The following PARD3 variants were observed in gnomAD, a reference collection of about 807,000 sequenced individuals.
PARD3 encodes the protein partitioning defective 3 homolog.
Under a neutral mutation model 155.4 loss-of-function variants are expected in PARD3, and 75 were observed. The ratio of observed to expected loss-of-function variants is 0.48; its 90% CI spans 0.40 to 0.58. The LOEUF is 0.58. PARD3 is among the 20% of genes least tolerant of loss of function. PARD3 has a pLI of 0.00. For missense variants in PARD3, 1,642 were observed against 1,721.7 expected, an observed-to-expected ratio of 0.95 and a Z score of 0.82; for synonymous variants, 576 against 610.5, an observed-to-expected ratio of 0.94 and a Z score of 0.83.
At chr10:34,578,483 A>C (rs80258246) in intron 2 of PARD3, among the ~76,000 whole-genome samples, 4,378 of 152,352 alleles carry the variant, frequency 0.029, 213 homozygotes, top group African/African-American at 0.099. Flanking sequence ...TCAAAGAATA[A>C]GTTTTAAAAT....
intron 2 of PARD3, among the ~76,000 whole-genome samples, chr10:34,615,142 C>G (rs1017117171): frequency 1.3e-5 from 2 of 152,112 alleles, no homozygotes; most frequent in Admixed American, 6.5e-5. Context: ...GATGGCGCCA[C>G]TTCACTCCAG....
chr10:34,719,306 A>AG (rs1283282126), intron 1 of PARD3, among the ~76,000 whole-genome samples: 2 of 152,238 alleles, frequency 1.3e-5, no homozygotes, highest in Non-Finnish European at 2.9e-5. Context: ...TGAGGTTTCA[A>AG]GGGAAAAAAA....
At chr10:34,678,562 C>A (rs577532453) in intron 2 of PARD3, among the ~76,000 whole-genome samples, 1 of 151,892 alleles carries the variant, frequency 6.6e-6, no homozygotes, top group Non-Finnish European at 1.5e-5. Flanking sequence ...AGATTCCATA[C>A]GAGTAATAAG....
At chr10:34,609,662 C>T (rs553394893) in intron 2 of PARD3, among the ~76,000 whole-genome samples, 1 of 152,288 alleles carries the variant, frequency 6.6e-6, no homozygotes, top group South Asian at 2.1e-4. Flanking sequence ...CCCGTCTCAG[C>T]CTCCATAGTA....
At chr10:34,312,900 TC>T (rs1337822498) in intron 20 of PARD3, among the ~76,000 whole-genome samples, 1 of 152,184 alleles carries the variant, frequency 6.6e-6, no homozygotes, top group Non-Finnish European at 1.5e-5. Flanking sequence ...TTACACTTAC[TC>T]TAGGGCTCAC....
At chr10:34,666,796 A>AAAAAAAAATATAT (rs1358640964) in intron 2 of PARD3, among the ~76,000 whole-genome samples, 27 of 66,938 alleles carry the variant, frequency 4.0e-4, no homozygotes, top group African/African-American at 1.2e-3. Flanking sequence ...AAAAAAAAAA[A>AAAAAAAAATATAT]ATATATATAT....
chr10:34,513,774 G>A lies in PARD3; in HGVS notation c.403+3205C>T, dbSNP rs141694902. ...TGTATTTAATTCAGGGTTTCTAACC[G>A]TGGCACTACTGACATCTGGGCTGCA... On this transcript the variant is annotated intron_variant, in intron 3 of 24. Transcript: ENST00000374788. Among the ~76,000 whole-genome samples the A allele has an allele frequency of 7.8e-3, 1,191 of 152,276 alleles. 9 individuals are homozygous for A. The highest frequency in any genetic ancestry group is 0.012 in the Non-Finnish European group (798 of 68,026).
chr10:34,141,108 T>C (rs1181220276), intron 22 of PARD3, among the ~76,000 whole-genome samples: 2 of 152,260 alleles, frequency 1.3e-5, no homozygotes, highest in Non-Finnish European at 2.9e-5. Context: ...TTGAGGTTTT[T>C]AGACAAATAT....
chr10:34,350,350 A>T (rs1182961118), intron 14 of PARD3, among the ~76,000 whole-genome samples: 1 of 152,136 alleles, frequency 6.6e-6, no homozygotes, highest in Non-Finnish European at 1.5e-5. Context: ...AAACCTTATT[A>T]AAATTAAGCT....
chr10:34,799,843 G>A (rs1842682172), intron 1 of PARD3, among the ~76,000 whole-genome samples: 1 of 148,672 alleles, frequency 6.7e-6, no homozygotes, highest in Non-Finnish European at 1.5e-5. Context: ...AAAAAAACAA[G>A]TTAGCCAAGT....
chr10:34,462,715 T>G (rs1215621756), intron 4 of PARD3, among the ~76,000 whole-genome samples: 3 of 151,634 alleles, frequency 2.0e-5, no homozygotes, highest in Non-Finnish European at 4.4e-5. Flanking sequence ...GGCCCATGCT[T>G]GTAGTCCAAG....
At chr10:34,296,051 A>G (rs1270345563) in intron 20 of PARD3, among the ~76,000 whole-genome samples, 1 of 152,186 alleles carries the variant, frequency 6.6e-6, no homozygotes, top group African/African-American at 2.4e-5. Flanking sequence ...TTGGGCAGGG[A>G]AGGCTAGAAA....
At chr10:34,507,548 C>CAAAAAAAAAAAA (rs374421524) in intron 3 of PARD3, among the ~76,000 whole-genome samples, 2 of 42,982 alleles carry the variant, frequency 4.7e-5, no homozygotes, top group African/African-American at 1.1e-4. Flanking sequence ...ATTAAAAAAA[C>CAAAAAAAAAAAA]AAAAAAAAAA....
chr10:34,771,600 C>G (rs1451437601), intron 1 of PARD3, among the ~76,000 whole-genome samples: 2 of 152,234 alleles, frequency 1.3e-5, no homozygotes, highest in Admixed American at 6.5e-5. Context: ...CCTAGTCTTA[C>G]AAAATTACTT....
chr10:34,504,363 TCCTCCCACGTCTG>T (rs763081814), intron 3 of PARD3, among the ~76,000 whole-genome samples: 24 of 147,818 alleles, frequency 1.6e-4, no homozygotes, highest in South Asian at 4.3e-4. Context: ...CCTCAAGTGG[TCCTCCCACGTCTG>T]CCTCCCACAG....
intron 1 of PARD3, among the ~76,000 whole-genome samples, chr10:34,725,170 A>G (rs2133767881): frequency 6.6e-6 from 1 of 151,000 alleles, no homozygotes; most frequent in Middle Eastern, 3.4e-3. Flanking sequence ...AGAGAGAGAG[A>G]GAGACGGAGT....
intron 23 of PARD3, among the ~76,000 whole-genome samples, chr10:34,130,261 G>A (rs1405999610): frequency 3.9e-5 from 6 of 152,056 alleles, no homozygotes; most frequent in Non-Finnish European, 7.4e-5. Context: ...AGGCTGTGAG[G>A]CTAATCCTTC....
chr10:34,523,377 T>G (rs180732208), intron 2 of PARD3, among the ~76,000 whole-genome samples: 1 of 152,230 alleles, frequency 6.6e-6, no homozygotes, highest in Non-Finnish European at 1.5e-5. Flanking sequence ...ATGGGTGTCA[T>G]TGGACACTCA....
intron 22 of PARD3, among the ~76,000 whole-genome samples, chr10:34,215,808 C>T (rs865830976): frequency 2.6e-5 from 4 of 152,170 alleles, no homozygotes; most frequent in South Asian, 2.1e-4. Flanking sequence ...GTGTGTCACA[C>T]GCTGGCACAG....
Sources: gnomAD v4.1 joint callset for allele counts (sites outside exome capture counted in the v4.1 genomes callset) on GRCh38, gnomAD v4.1.1 for gene constraint, MANE v1.5 for transcripts, NCBI Gene and HGNC (gene_info 2026-07-23, HGNC 2026-07-21) for gene names.